HIBADH: variants seen among roughly 807,000 people sequenced by gnomAD.
The protein encoded by HIBADH is 3-hydroxyisobutyrate dehydrogenase, also known as 3-hydroxyisobutyrate dehydrogenase, mitochondrial.
In HIBADH, 25 loss-of-function variants were observed where a neutral mutation model predicts 36.1. The observed-to-expected ratio is 0.69, with a 90% CI of 0.50 to 0.97. The LOEUF (loss-of-function observed/expected upper bound fraction) is 0.97. Among genes scored for constraint, HIBADH ranks in the 50% least tolerant of loss-of-function variants. The pLI is 0.00. For synonymous variants in HIBADH, 160 were observed against 149.5 expected, an observed-to-expected ratio of 1.07 and a Z score of -0.51; for missense variants, 421 against 418.0, an observed-to-expected ratio of 1.01 and a Z score of -0.06.
chr7:27,591,907 T>C (rs957844411), intron 4 of HIBADH, among the ~76,000 whole-genome samples: 1 of 152,218 alleles, frequency 6.6e-6, no homozygotes, highest in South Asian at 2.1e-4. Flanking sequence ...TAGAAGAACC[T>C]TCATGTGAGT....
intron 2 of HIBADH, among the ~76,000 whole-genome samples, chr7:27,646,938 C>A (rs1229679250): frequency 6.6e-6 from 1 of 152,038 alleles, no homozygotes; most frequent in African/African-American, 2.4e-5. Flanking sequence ...TCAGGTGATC[C>A]GCCTGCCTTG....
At chr7:27,614,079 G>A (rs1423049447) in intron 4 of HIBADH, among the ~76,000 whole-genome samples, 2 of 152,134 alleles carry the variant, frequency 1.3e-5, no homozygotes. Context: ...CTAGAATGCT[G>A]TTAGAGATTA....
At chr7:27,582,493 TTCC>T (rs1488030839) in intron 4 of HIBADH, among the ~76,000 whole-genome samples, 2 of 152,282 alleles carry the variant, frequency 1.3e-5, no homozygotes, top group East Asian at 3.9e-4. Flanking sequence ...TTTTTTTCTT[TTCC>T]TATTTTATGA....
intron 6 of HIBADH, among the ~76,000 whole-genome samples, chr7:27,531,986 G>A (rs1440592081): frequency 6.6e-6 from 1 of 152,158 alleles, no homozygotes; most frequent in African/African-American, 2.4e-5. Flanking sequence ...TCTGCACAGA[G>A]TTGTGACATA....
intron 4 of HIBADH, among the ~76,000 whole-genome samples, chr7:27,609,235 T>C (rs1785283374): frequency 6.6e-6 from 1 of 152,210 alleles, no homozygotes; most frequent in Admixed American, 6.5e-5. Context: ...AACCATGTTA[T>C]CTTGGGCAGT....
At chr7:27,661,882 A>G (rs1384878155) in intron 1 of HIBADH, among the ~76,000 whole-genome samples, 1 of 152,150 alleles carries the variant, frequency 6.6e-6, no homozygotes, top group African/African-American at 2.4e-5. Context: ...CTTGCTGGGA[A>G]TATCCTGATT....
chr7:27,542,629 C>T (rs7786973), intron 5 of HIBADH, among the ~76,000 whole-genome samples: 120,518 of 151,308 alleles, frequency 0.8, 48,423 homozygotes, highest in East Asian at 0.97. Context: ...TTTTTTTGTT[C>T]TTTGTAGAGA....
intron 4 of HIBADH, among the ~76,000 whole-genome samples, chr7:27,601,610 T>C (rs918705384): frequency 1.3e-5 from 2 of 152,096 alleles, no homozygotes; most frequent in East Asian, 1.9e-4. Context: ...AAAATAAAAA[T>C]TTAAAAATTT....
chr7:27,639,043 G>T (rs895150259), intron 2 of HIBADH, among the ~76,000 whole-genome samples: 17 of 152,150 alleles, frequency 1.1e-4, no homozygotes, highest in African/African-American at 4.1e-4. Flanking sequence ...ATTCCTCAAA[G>T]AACTCAAAGC....
At chr7:27,649,758 T>G in intron 1 of HIBADH, 125 bp from the exon 2 acceptor site, 3 of 806,066 alleles carry the variant, frequency 3.7e-6, no homozygotes, top group Non-Finnish European at 5.6e-6. Context: ...AGGAACCAGG[T>G]GCAGTGGTGC....
At position 27,570,330 on chromosome 7, in the gene HIBADH, GTTAC is replaced by G. The variant is rs1784611047; in HGVS notation, c.485-27234_485-27231del. 2.0e-5 allele frequency among the ~76,000 whole-genome samples: 3 copies of G among 152,108 alleles called. No homozygotes were observed. The South Asian group carries it at 6.2e-4, about 31-fold the overall frequency. On this transcript the variant is annotated intron_variant, in intron 4 of 7. Coordinates refer to ENST00000265395, the MANE Select transcript of HIBADH (RefSeq NM_152740.4). ...GTTGGATGCAAATTCTAAGGTGACAGTTACTTGTATTTTGATGATATTGTTCTAC... is the reference window on the plus strand; with the variant it reads ...GTTGGATGCAAATTCTAAGGTGACAGTTGTATTTTGATGATATTGTTCTAC...
intron 5 of HIBADH, among the ~76,000 whole-genome samples, chr7:27,540,008 G>T (rs1269455117): frequency 6.6e-6 from 1 of 152,008 alleles, no homozygotes; most frequent in Non-Finnish European, 1.5e-5. Context: ...CGCTGTCTCG[G>T]GGTGACAGAG....
intron 5 of HIBADH, 130 bp from the exon 6 acceptor site, chr7:27,538,547 G>A: frequency 1.3e-6 from 1 of 763,260 alleles, no homozygotes; most frequent in South Asian, 1.6e-5. Context: ...TTTCTCGAGT[G>A]CGGAAGAGAA....
In HIBADH at chr7:27,525,576, T is replaced by C. The variant is rs1783877074; in HGVS notation, c.*638A>G. The C allele has an allele frequency of 6.6e-6, 1 of 152,046 alleles. No homozygotes were observed. The highest frequency in any genetic ancestry group is 2.4e-5 in the African/African-American group (1 of 41,328). 9.4% of individuals were successfully genotyped at this position (152,046 alleles called of 1,614,324 possible). On this transcript the variant is annotated 3_prime_UTR_variant, in exon 8 of 8. Transcript: ENST00000265395. ...TGTCATTCTTAAGTCAAAAAATACG[T>C]AGTAAGAATGAACAAGAAAGAAAAA...
At chr7:27,600,379 C>T (rs922387898) in intron 4 of HIBADH, among the ~76,000 whole-genome samples, 9 of 151,996 alleles carry the variant, frequency 5.9e-5, no homozygotes, top group Non-Finnish European at 1.3e-4. Context: ...CTTGGTCCTG[C>T]CATAATCAAA....
At chr7:27,557,964 G>A (rs987009547) in intron 4 of HIBADH, among the ~76,000 whole-genome samples, 14 of 152,148 alleles carry the variant, frequency 9.2e-5, no homozygotes, top group African/African-American at 2.9e-4. Context: ...GTCGTTGGAA[G>A]TTTACTCATG....
intron 4 of HIBADH, among the ~76,000 whole-genome samples, chr7:27,619,018 G>T (rs572695283): frequency 6.6e-6 from 1 of 152,198 alleles, no homozygotes; most frequent in South Asian, 2.1e-4. Flanking sequence ...ATGAGACTTG[G>T]GGAGACAAAT....
At chr7:27,572,205 T>C (rs1451544010) in intron 4 of HIBADH, among the ~76,000 whole-genome samples, 1 of 152,216 alleles carries the variant, frequency 6.6e-6, no homozygotes, top group African/African-American at 2.4e-5. Flanking sequence ...CTTTATTTAT[T>C]ATTCTTATTT....
intron 2 of HIBADH, among the ~76,000 whole-genome samples, chr7:27,642,641 A>C (rs73684017): frequency 8.1e-6 from 1 of 123,258 alleles, no homozygotes; most frequent in Non-Finnish European, 1.6e-5. Context: ...CTAAATGTCT[A>C]GTTTTTTTTT....
Sources: gnomAD v4.1 joint callset for allele counts (sites outside exome capture counted in the v4.1 genomes callset) on GRCh38, gnomAD v4.1.1 for gene constraint, MANE v1.5 for transcripts, NCBI Gene and HGNC (gene_info 2026-07-23, HGNC 2026-07-21) for gene names.